PPP1R16B: variants seen among roughly 807,000 people sequenced by gnomAD.
PPP1R16B encodes the protein protein phosphatase 1 regulatory subunit 16B.
Under a neutral mutation model 61.7 loss-of-function variants are expected in PPP1R16B, and 14 were observed. That is an observed-to-expected ratio of 0.23 (90% CI 0.15 to 0.35). PPP1R16B has a LOEUF of 0.35. PPP1R16B is among the 10% of genes least tolerant of loss of function. PPP1R16B has a pLI of 1.00. For synonymous variants in PPP1R16B, 266 were observed against 305.3 expected (o/e 0.87, Z 1.34); for missense variants, 547 against 752.5 (o/e 0.73, Z 3.19).
chr20:38,834,633 C>A (rs959578790), intron 1 of PPP1R16B, among the ~76,000 whole-genome samples: 1 of 151,900 alleles, frequency 6.6e-6, no homozygotes, highest in African/African-American at 2.4e-5. Flanking sequence ...TTCTTTAGTT[C>A]CTTAAATTGA....
intron 1 of PPP1R16B, among the ~76,000 whole-genome samples, chr20:38,832,833 G>A (rs183238006): frequency 6.6e-5 from 10 of 151,108 alleles, no homozygotes; most frequent in African/African-American, 2.4e-4. Flanking sequence ...TGGGAGAATC[G>A]CTTGAACCCA....
chr20:38,844,323 A>G (rs947044446), intron 2 of PPP1R16B, among the ~76,000 whole-genome samples: 11 of 152,344 alleles, frequency 7.2e-5, no homozygotes, highest in Non-Finnish European at 1.3e-4. Context: ...TTTTTGCTTA[A>G]AAGTTCAAAT....
At chr20:38,877,408 C>T (rs1271026700) in intron 2 of PPP1R16B, among the ~76,000 whole-genome samples, 1 of 151,946 alleles carries the variant, frequency 6.6e-6, no homozygotes, top group African/African-American at 2.4e-5. Flanking sequence ...CTCCCAGGTT[C>T]AAGCAATTCT....
intron 2 of PPP1R16B, among the ~76,000 whole-genome samples, chr20:38,851,942 A>C (rs964936517): frequency 6.6e-6 from 1 of 152,296 alleles, no homozygotes; most frequent in African/African-American, 2.4e-5. Context: ...CTGAGGCCGG[A>C]GAATTGCTTA....
In PPP1R16B at chr20:38,908,186, A is replaced by C. The variant is rs894370197; in HGVS notation, c.1187A>C (p.Lys396Thr). 1.9e-6 allele frequency: 3 copies of C among 1,614,248 alleles called. No homozygotes were observed. In the African/African-American group the frequency reaches 4.0e-5, roughly 22 times the overall value. The change falls in exon 10 of 11, where the codon AAG (lysine) becomes ACG (threonine). Residue 396 changes from lysine (K) to threonine (T), a missense_variant. Lys to Thr is a moderately conservative substitution (Grantham distance 78, BLOSUM62 -1). Coordinates refer to ENST00000299824, the MANE Select transcript of PPP1R16B (RefSeq NM_015568.4). ...IRETRTDQEN[K>T]DPNPRLEKPV... Reference sequence around the variant, plus strand: ...GAGACCAGGACAGACCAAGAGAATAAGGACCCTGTGAGTGGCCTCACGCCC... The same window carrying C: ...GAGACCAGGACAGACCAAGAGAATACGGACCCTGTGAGTGGCCTCACGCCC...
chr20:38,865,109 C>T (rs1416891275), intron 2 of PPP1R16B, among the ~76,000 whole-genome samples: 2 of 151,974 alleles, frequency 1.3e-5, no homozygotes, highest in Non-Finnish European at 2.9e-5. Context: ...CAAATTCTAC[C>T]CACGTCCAGG....
intron 2 of PPP1R16B, among the ~76,000 whole-genome samples, chr20:38,881,834 GTTC>G (rs1568672302): frequency 6.6e-6 from 1 of 152,116 alleles, no homozygotes; most frequent in Non-Finnish European, 1.5e-5. Context: ...TGTCCATCCT[GTTC>G]TTCTCTCCGC....
intron 4 of PPP1R16B, among the ~76,000 whole-genome samples, chr20:38,896,979 TC>T (rs1339702327): frequency 6.6e-6 from 1 of 152,142 alleles, no homozygotes; most frequent in African/African-American, 2.4e-5. Context: ...AAGTCCCATC[TC>T]TACTAAAAAT....
chr20:38,829,364 C>T (rs985709563), intron 1 of PPP1R16B, among the ~76,000 whole-genome samples: 2 of 152,200 alleles, frequency 1.3e-5, no homozygotes, highest in Admixed American at 6.5e-5. Context: ...ATGACCTCAC[C>T]CGACCTGGCC....
intron 2 of PPP1R16B, among the ~76,000 whole-genome samples, chr20:38,877,762 G>A (rs990863362): frequency 2.0e-5 from 3 of 152,220 alleles, no homozygotes; most frequent in African/African-American, 4.8e-5. Context: ...TCATTTTGAA[G>A]TATCTCATTT....
At chr20:38,868,460 C>G (rs947482982) in intron 2 of PPP1R16B, among the ~76,000 whole-genome samples, 1 of 151,876 alleles carries the variant, frequency 6.6e-6, no homozygotes, top group Non-Finnish European at 1.5e-5. Flanking sequence ...TCTCAGCTCA[C>G]TGCAATCTCT....
In PPP1R16B at chr20:38,898,321, C is replaced by CGTTTGTT. The variant is rs1443413356; in HGVS notation, c.468-2260_468-2259insGTTTGTT. On this transcript the variant is annotated intron_variant, in intron 4 of 10. Coordinates refer to ENST00000299824, the MANE Select transcript of PPP1R16B (RefSeq NM_015568.4). The stretch of plus-strand genomic sequence containing the variant: ...GTGTATGTGAGGGTTTGTTTCTGGA[C>CGTTTGTT]TCTATTCTATTTTATTGGTCTATAT... 2.0e-5 allele frequency among the ~76,000 whole-genome samples: 3 copies of CGTTTGTT among 152,210 alleles called. No homozygotes were observed. The East Asian group carries it at 5.8e-4, about 29-fold the overall frequency.
chr20:38,867,204 G>T (rs1466240234), intron 2 of PPP1R16B, among the ~76,000 whole-genome samples: 2 of 152,128 alleles, frequency 1.3e-5, no homozygotes, highest in African/African-American at 4.8e-5. Flanking sequence ...TGGTTAAAGC[G>T]ATGTCCCCAA....
Position 38,913,149 on chromosome 20 carries a change from A to G in PPP1R16B, c.1194+4956A>G, listed in dbSNP as rs2085505945. ...GCTTCCCAGAGTGCTGGGATTACAG[A>G]CATGAGCCACTGTGCCCCTTGTTTT... On this transcript the variant is annotated intron_variant, in intron 10 of 10. Transcript: ENST00000299824. Among the ~76,000 whole-genome samples, 5 of 151,846 alleles carry G rather than the reference A, an allele frequency of 3.3e-5. No homozygotes were observed. In the South Asian group the frequency reaches 1.0e-3, roughly 32 times the overall value.
intron 1 of PPP1R16B, among the ~76,000 whole-genome samples, chr20:38,834,816 T>G (rs1285090184): frequency 6.6e-6 from 1 of 152,100 alleles, no homozygotes; most frequent in Non-Finnish European, 1.5e-5. Flanking sequence ...TAGACTGTTA[T>G]AAAAGCATAA....
At chr20:38,853,232 C>T (rs1160908454) in intron 2 of PPP1R16B, among the ~76,000 whole-genome samples, 3 of 152,146 alleles carry the variant, frequency 2.0e-5, no homozygotes, top group Non-Finnish European at 4.4e-5. Flanking sequence ...CAGGAATGTT[C>T]CAGAATCTTC....
chr20:38,893,876 T>C (rs1323037250), intron 3 of PPP1R16B, among the ~76,000 whole-genome samples: 1 of 152,084 alleles, frequency 6.6e-6, no homozygotes. Context: ...GGGGTTGGAT[T>C]TCTGGCCCTC....
chr20:38,912,736 C>T (rs572630446), intron 10 of PPP1R16B, among the ~76,000 whole-genome samples: 1 of 152,180 alleles, frequency 6.6e-6, no homozygotes, highest in South Asian at 2.1e-4. Context: ...TGTGGCGATA[C>T]TGCTGCACAC....
chr20:38,841,015 AT>A (rs2084905843), intron 2 of PPP1R16B, among the ~76,000 whole-genome samples: 1 of 151,992 alleles, frequency 6.6e-6, no homozygotes, highest in Non-Finnish European at 1.5e-5. Context: ...CATTGTTATT[AT>A]TTATCAGGTG....
Sources: allele counts gnomAD v4.1 joint callset (sites outside exome capture counted in the v4.1 genomes callset), GRCh38; gene constraint gnomAD v4.1.1; transcripts MANE v1.5; gene names NCBI Gene and HGNC (gene_info 2026-07-23, HGNC 2026-07-21).